Variants in CTNND2 observed in about 807,000 individuals in gnomAD.
The protein encoded by CTNND2 is catenin delta 2.
A neutral mutation model predicts 144.4 loss-of-function variants in CTNND2; 22 were observed. The observed-to-expected ratio is 0.15, with a 90% confidence interval of 0.11 to 0.22. The LOEUF (loss-of-function observed/expected upper bound fraction) is 0.22, where lower values mean the gene tolerates loss of function less well. Among genes scored for constraint, CTNND2 ranks in the 10% least tolerant of loss-of-function variants. The probability of loss-of-function intolerance (pLI) is 1.00; values close to 1 mark genes in which losing one functional copy is unlikely to be tolerated. For missense variants in CTNND2, 1,353 were observed against 1,618.8 expected (o/e 0.84, Z 2.82); for synonymous variants, 751 against 695.6 (o/e 1.08, Z -1.25).
intron 7 of CTNND2, among the ~76,000 whole-genome samples, chr5:11,376,325 T>TGTGTGTGTGTGTGTTCATGTATCTGC (rs1757942368): frequency 1.6e-3 from 4 of 2,524 alleles, no homozygotes; most frequent in African/African-American, 6.3e-3. Flanking sequence ...TGTGTGTGTG[T>TGTGTGTGTGTGTGTTCATGTATCTGC]GTGTGTGTGT....
chr5:11,833,202 A>C (rs1444997653), intron 1 of CTNND2, among the ~76,000 whole-genome samples: 1 of 152,242 alleles, frequency 6.6e-6, no homozygotes, highest in African/African-American at 2.4e-5. Context: ...ATTTATTCAT[A>C]ATAACTAATG....
chr5:11,335,220 A>AT (rs759627553), intron 9 of CTNND2, among the ~76,000 whole-genome samples: 30 of 152,172 alleles, frequency 2.0e-4, no homozygotes, highest in Non-Finnish European at 4.1e-4. Context: ...TTTAAAATAT[A>AT]TTTTTTACTA....
chr5:11,851,208 A>G (rs1362507050), intron 1 of CTNND2, among the ~76,000 whole-genome samples: 1 of 152,118 alleles, frequency 6.6e-6, no homozygotes, highest in African/African-American at 2.4e-5. Context: ...TCCAGTCCCC[A>G]TAGCTATATG....
At chr5:11,326,774 G>A (rs554010102) in intron 9 of CTNND2, among the ~76,000 whole-genome samples, 81 of 152,134 alleles carry the variant, frequency 5.3e-4, no homozygotes, top group South Asian at 2.1e-4. Flanking sequence ...GGGCAACACC[G>A]ACCTTCAGAT....
intron 11 of CTNND2, among the ~76,000 whole-genome samples, chr5:11,163,127 G>T (rs1758960864): frequency 6.6e-6 from 1 of 152,180 alleles, no homozygotes; most frequent in African/African-American, 2.4e-5. Flanking sequence ...TTCTCTCCAT[G>T]AGTGGGGATT....
chr5:11,267,774 C>T (rs918703912), intron 9 of CTNND2, among the ~76,000 whole-genome samples: 6 of 152,064 alleles, frequency 3.9e-5, no homozygotes, highest in South Asian at 2.1e-4. Flanking sequence ...AAATAAAGTT[C>T]GCAAAAAAGA....
At chr5:11,312,471 C>T (rs992684583) in intron 9 of CTNND2, among the ~76,000 whole-genome samples, 3 of 152,010 alleles carry the variant, frequency 2.0e-5, no homozygotes, top group African/African-American at 7.3e-5. Context: ...AAAGCAGAAA[C>T]CCCTGATAAG....
intron 3 of CTNND2, among the ~76,000 whole-genome samples, chr5:11,490,971 G>A (rs1402884358): frequency 6.6e-6 from 1 of 152,186 alleles, no homozygotes; most frequent in Admixed American, 6.5e-5. Flanking sequence ...CTGGGTCACA[G>A]AGCGAGACCT....
intron 8 of CTNND2, among the ~76,000 whole-genome samples, chr5:11,363,222 G>A (rs1161806317): frequency 1.3e-5 from 2 of 152,048 alleles, no homozygotes; most frequent in Non-Finnish European, 2.9e-5. Flanking sequence ...TGTGTTTAAT[G>A]TGATATAGAT....
At chr5:11,309,840 TC>T (rs964755843) in intron 9 of CTNND2, among the ~76,000 whole-genome samples, 1 of 152,036 alleles carries the variant, frequency 6.6e-6, no homozygotes, top group African/African-American at 2.4e-5. Context: ...GGGGCAGATT[TC>T]CCCCCTGCTT....
intron 9 of CTNND2, among the ~76,000 whole-genome samples, chr5:11,277,488 A>G (rs7737014): frequency 0.074 from 11,100 of 150,970 alleles, 563 homozygotes; most frequent in South Asian, 0.14. Flanking sequence ...TGGTGCTTTA[A>G]GCTTTTTAAA....
Position 11,771,262 on chromosome 5 carries a change from G to C in CTNND2, c.38-38990C>G, listed in dbSNP as rs193037484. Among the ~76,000 whole-genome samples the C allele has an allele frequency of 2.2e-3, 302 of 136,560 alleles. 1 individual carries two copies. The highest frequency in any genetic ancestry group is 4.9e-3 in the Middle Eastern group (1 of 206). 89.6% of individuals were successfully genotyped at this position (136,560 alleles called of 152,430 possible). On this transcript the variant is annotated intron_variant, in intron 1 of 21. Transcript: ENST00000304623. ...GCTGGAGTGCAGTGGCACGATGTCA[G>C]CTCACTGCAACCTCCACCTTCCGGC...
intron 15 of CTNND2, among the ~76,000 whole-genome samples, chr5:11,094,480 C>CTTTTTT (rs35048441): frequency 3.1e-5 from 4 of 127,858 alleles, no homozygotes; most frequent in Non-Finnish European, 3.3e-5. Context: ...AGAGTTCTTG[C>CTTTTTT]TTTTTTTTTT....
At position 11,110,851 on chromosome 5, in the gene CTNND2, G is replaced by A; in HGVS notation, c.2463+7C>T. The A allele has an allele frequency of 1.2e-6, 2 of 1,609,852 alleles. No individual in the cohort carries two copies. Among genetic ancestry groups the A allele is most frequent in the Non-Finnish European group, 1.7e-6 (2 of 1,179,152 alleles). ...AATTGCATGCAGCTGCAAGCAGCCT[G>A]CATCACCTGATCTTGGGATTTCTTT... On this transcript the variant is annotated splice_region_variant and intron_variant, in intron 14 of 21. Coordinates refer to ENST00000304623, the MANE Select transcript of CTNND2 (RefSeq NM_001332.4).
At chr5:11,205,866 G>C (rs1161491412) in intron 10 of CTNND2, among the ~76,000 whole-genome samples, 1 of 152,172 alleles carries the variant, frequency 6.6e-6, no homozygotes, top group Non-Finnish European at 1.5e-5. Flanking sequence ...GCACATTGCA[G>C]TGACTGGAGG....
At chr5:11,652,471 ACT>A (rs1387238376) in intron 2 of CTNND2, among the ~76,000 whole-genome samples, 1 of 152,064 alleles carries the variant, frequency 6.6e-6, no homozygotes, top group Non-Finnish European at 1.5e-5. Flanking sequence ...TTTCAGACTG[ACT>A]CTCAAATAAT....
chr5:11,735,467 G>A (rs115116179), intron 1 of CTNND2, among the ~76,000 whole-genome samples: 215 of 152,242 alleles, frequency 1.4e-3, no homozygotes, highest in African/African-American at 5.0e-3. Context: ...GAAAGCCGCC[G>A]TGACCTTCTA....
intron 13 of CTNND2, among the ~76,000 whole-genome samples, chr5:11,115,215 C>T (rs1753422997): frequency 6.6e-6 from 1 of 152,210 alleles, no homozygotes; most frequent in East Asian, 1.9e-4. Context: ...TACCAAGTCT[C>T]CCAGGTTTTA....
At chr5:11,502,503 T>C (rs1770633760) in intron 3 of CTNND2, among the ~76,000 whole-genome samples, 1 of 152,110 alleles carries the variant, frequency 6.6e-6, no homozygotes, top group African/African-American at 2.4e-5. Context: ...TACTTATAAA[T>C]AAAAAATATG....
Sources: allele counts gnomAD v4.1 joint callset (sites outside exome capture counted in the v4.1 genomes callset), GRCh38; gene constraint gnomAD v4.1.1; transcripts MANE v1.5; gene names NCBI Gene and HGNC (gene_info 2026-07-23, HGNC 2026-07-21).